Variants in ANO3 observed in about 807,000 individuals in gnomAD.
ANO3 encodes the protein anoctamin 3, also known as anoctamin-3.
Under a neutral mutation model 144.8 loss-of-function variants are expected in ANO3, and 99 were observed. That is an observed-to-expected ratio of 0.68 (90% CI 0.58 to 0.81). The LOEUF (loss-of-function observed/expected upper bound fraction) is 0.81. Ranked by LOEUF, ANO3 falls within the 30% of genes least tolerant of loss-of-function variation. The pLI, the probability that ANO3 is intolerant of heterozygous loss-of-function variation, is 0.00. For synonymous variants in ANO3, 414 were observed against 392.6 expected (o/e 1.05, Z -0.64); for missense variants, 905 against 1,202.2 (o/e 0.75, Z 3.66).
intron 1 of ANO3, among the ~76,000 whole-genome samples, chr11:26,266,488 C>T (rs1166972536): frequency 2.1e-5 from 3 of 146,002 alleles, no homozygotes; most frequent in Non-Finnish European, 4.5e-5. Context: ...GGCTGGAGTG[C>T]AGTGGCGCAA....
chr11:26,357,812 T>G (rs2133920585), intron 1 of ANO3, among the ~76,000 whole-genome samples: 1 of 152,308 alleles, frequency 6.6e-6, no homozygotes, highest in South Asian at 2.1e-4. Context: ...TTTTTCATCA[T>G]TTTATGTAGG....
At chr11:26,560,838 A>T (rs1218872294) in intron 14 of ANO3, 1 of 401,662 alleles carries the variant, frequency 2.5e-6, no homozygotes, top group African/African-American at 2.1e-5. Flanking sequence ...ACTAAAATAC[A>T]AATTAAGGCT....
intron 1 of ANO3, among the ~76,000 whole-genome samples, chr11:26,284,824 G>C (rs1245372211): frequency 6.6e-6 from 1 of 152,134 alleles, no homozygotes; most frequent in African/African-American, 2.4e-5. Flanking sequence ...AAGATGACGT[G>C]AACCTGGGAG....
intron 1 of ANO3, among the ~76,000 whole-genome samples, chr11:26,369,574 T>C (rs780692173): frequency 8.5e-5 from 13 of 152,212 alleles, no homozygotes; most frequent in Non-Finnish European, 1.0e-4. Context: ...TCCCTTTTCT[T>C]CTTTACCTTT....
intron 18 of ANO3, 37 bp from the exon 19 acceptor site, chr11:26,634,167 A>G: frequency 7.5e-7 from 1 of 1,324,602 alleles, no homozygotes; most frequent in South Asian, 1.2e-5. Flanking sequence ...TATTCACCTC[A>G]CCTCACCTGT....
intron 1 of ANO3, among the ~76,000 whole-genome samples, chr11:26,365,177 T>C (rs1365294859): frequency 6.6e-6 from 1 of 152,234 alleles, no homozygotes; most frequent in Non-Finnish European, 1.5e-5. Context: ...GAATATCCTT[T>C]GACTCCATGT....
intron 1 of ANO3, among the ~76,000 whole-genome samples, chr11:26,441,118 T>TGTTTG (rs1376441077): frequency 1.7e-5 from 2 of 120,758 alleles, no homozygotes; most frequent in African/African-American, 6.7e-5. Flanking sequence ...TTTTTTTTTT[T>TGTTTG]TTTTTTTTTT....
At chr11:26,634,115 A>G (rs936099207) in intron 18 of ANO3, 89 bp from the exon 19 acceptor site, 18 of 679,818 alleles carry the variant, frequency 2.6e-5, no homozygotes, top group African/African-American at 9.2e-5. Context: ...TAAAAAGACA[A>G]ACTTGAACTT....
intron 1 of ANO3, among the ~76,000 whole-genome samples, chr11:26,436,848 C>T (rs1037077211): frequency 4.6e-5 from 7 of 152,010 alleles, no homozygotes; most frequent in African/African-American, 1.7e-4. Context: ...AAAACACTGG[C>T]AGGGGTGGTT....
chr11:26,460,321 G>A (rs1421194978), intron 3 of ANO3, among the ~76,000 whole-genome samples: 1 of 149,842 alleles, frequency 6.7e-6, no homozygotes, highest in Non-Finnish European at 1.5e-5. Context: ...TGTTACATGG[G>A]TAAATTGCAT....
intron 6 of ANO3, among the ~76,000 whole-genome samples, chr11:26,519,717 G>T (rs935263327): frequency 5.9e-5 from 9 of 152,114 alleles, no homozygotes; most frequent in Non-Finnish European, 1.0e-4. Context: ...CCACCTCCAA[G>T]AACCATTAAG....
chr11:26,320,047 C>T (rs1263491495), intron 1 of ANO3, among the ~76,000 whole-genome samples: 1 of 152,080 alleles, frequency 6.6e-6, no homozygotes, highest in Non-Finnish European at 1.5e-5. Context: ...GCAGACAAAT[C>T]AGAGCTTCCA....
intron 17 of ANO3, among the ~76,000 whole-genome samples, chr11:26,610,170 C>T (rs967797440): frequency 1.3e-5 from 2 of 152,090 alleles, no homozygotes; most frequent in African/African-American, 4.8e-5. Context: ...CTCAGCCTTC[C>T]TAAGTGCTGG....
chr11:26,198,785 G>T (rs1851636998), intron 1 of ANO3, among the ~76,000 whole-genome samples: 1 of 152,148 alleles, frequency 6.6e-6, no homozygotes, highest in Admixed American at 6.5e-5. Flanking sequence ...TACGCCTGAA[G>T]CCATTCTGCC....
chr11:26,425,003 C>T lies in ANO3; in HGVS notation c.47-16915C>T, dbSNP rs562129195. On this transcript the variant is annotated intron_variant, in intron 1 of 26. Coordinates refer to ENST00000256737, the MANE Select transcript of ANO3 (RefSeq NM_031418.4). Reference sequence around the variant, plus strand: ...GCTGCACCCATTAACTCGTCATTTACATTAGGTATATCTCCTAATGCTATC... The same window carrying T: ...GCTGCACCCATTAACTCGTCATTTATATTAGGTATATCTCCTAATGCTATC... 2.9e-3 allele frequency among the ~76,000 whole-genome samples: 439 copies of T among 151,798 alleles called. 1 individual carries two copies. Among genetic ancestry groups the T allele is most frequent in the Admixed American group, 5.4e-3 (82 of 15,222 alleles).
At chr11:26,644,603 C>T (rs1208325626) in intron 23 of ANO3, among the ~76,000 whole-genome samples, 1 of 152,112 alleles carries the variant, frequency 6.6e-6, no homozygotes, top group Non-Finnish European at 1.5e-5. Flanking sequence ...TCTGCAACAA[C>T]TCCAAATATA....
chr11:26,553,597 A>C (rs1041005426), intron 13 of ANO3, among the ~76,000 whole-genome samples: 1 of 152,142 alleles, frequency 6.6e-6, no homozygotes, highest in Non-Finnish European at 1.5e-5. Flanking sequence ...AAACTTCCAC[A>C]TGTAATTATA....
intron 1 of ANO3, among the ~76,000 whole-genome samples, chr11:26,248,612 G>A (rs910787347): frequency 5.9e-5 from 9 of 152,232 alleles, no homozygotes; most frequent in African/African-American, 2.2e-4. Flanking sequence ...AAATCAATTA[G>A]CAGAAATGAA....
rs1554926559 is a variant in ANO3, at chr11:26,233,225, A to AAAAAG, written c.154+43909_154+43913dup. Among the ~76,000 whole-genome samples, 8 of 151,432 alleles carry AAAAAG rather than the reference A, an allele frequency of 5.3e-5. No homozygotes were observed. In the East Asian group the frequency reaches 5.9e-4, roughly 11 times the overall value. Reference sequence around the variant, plus strand: ...GAGCAAGACTCCGTCTCAAAAAAAAAAAAAGAAAAGAAAAGAAATTTACTA... The same window carrying AAAAAG: ...GAGCAAGACTCCGTCTCAAAAAAAAAAAAAGAAAAGAAAAGAAAAGAAATTTACTA... On this transcript the variant is annotated intron_variant, in intron 1 of 27. Coordinates refer to the ANO3 transcript ENST00000672621.
Sources: gnomAD v4.1 joint callset for allele counts (sites outside exome capture counted in the v4.1 genomes callset) on GRCh38, gnomAD v4.1.1 for gene constraint, MANE v1.5 for transcripts, NCBI Gene and HGNC (gene_info 2026-07-23, HGNC 2026-07-21) for gene names.